Variants in ATRAID observed in about 807,000 individuals in gnomAD.
ATRAID encodes the protein all-trans retinoic acid-induced differentiation factor.
Under a neutral mutation model 28.8 loss-of-function variants are expected in ATRAID, and 26 were observed. The observed-to-expected ratio is 0.90, with a 90% CI of 0.66 to 1.25. ATRAID has a LOEUF of 1.25. Ranked by LOEUF, ATRAID falls within the 50% of genes most tolerant of loss-of-function variation. The pLI, the probability that ATRAID is intolerant of heterozygous loss-of-function variation, is 0.00. For synonymous variants in ATRAID, 131 were observed against 108.5 expected, an observed-to-expected ratio of 1.21 and a Z score of -1.29; for missense variants, 308 against 285.9, an observed-to-expected ratio of 1.08 and a Z score of -0.56.
intron 6 of ATRAID, 90 bp downstream of exon 6, chr2:27,216,710 C>T: frequency 6.9e-7 from 1 of 1,448,212 alleles, no homozygotes; most frequent in Admixed American, 1.7e-5. Context: ...GGAGCTGATA[C>T]AAATTTCCTA....
In ATRAID at chr2:27,216,887, C is replaced by T; in HGVS notation, c.629C>T (p.Thr210Ile). The T allele has an allele frequency of 3.1e-6, 5 of 1,614,196 alleles. No individual in the cohort carries two copies. Among genetic ancestry groups the T allele is most frequent in the East Asian group, 2.2e-5 (1 of 44,882 alleles). ...LLMFFGILGATTLSVSILLWA... is the reference protein window; with the variant it reads ...LLMFFGILGAITLSVSILLWA... ...ATGTTCTTCGGGATTCTGGGAGCCA[C>T]CACTCTATCCGTCTCCATTCTGCTT... Residue 210 changes from threonine (T) to isoleucine (I), a missense_variant, in exon 7 of 7, where the codon ACC (threonine) becomes ATC (isoleucine). Physicochemically the swap from Thr to Ile is moderately conservative, Grantham distance 89. Coordinates refer to ENST00000380171, the MANE Select transcript of ATRAID (RefSeq NM_001170795.4).
Position 27,215,685 on chromosome 2 carries a change from T to C in ATRAID, c.419T>C (p.Ile140Thr), listed in dbSNP as rs1369943937. ...GGAGGAATTAATGCCTGGAATACTATCACCTCTTATATAGACAACCAAATC... is the reference window on the plus strand; with the variant it reads ...GGAGGAATTAATGCCTGGAATACTACCACCTCTTATATAGACAACCAAATC... ...CPGGINAWNT[I>T]TSYIDNQICQ... The change falls in exon 5 of 7, where the codon ATC becomes ACC. Residue 140 changes from isoleucine to threonine, a missense_variant. Transcript: ENST00000380171. 3 of 1,614,238 alleles carry C rather than the reference T, an allele frequency of 1.9e-6. No homozygotes were observed. The highest frequency in any genetic ancestry group is 3.3e-5 in the Admixed American group (2 of 60,030).
At position 27,215,652 on chromosome 2, in the gene ATRAID, A is replaced by G. The variant is rs2148046278; in HGVS notation, c.386A>G (p.Asn129Ser). Residue 129 changes from asparagine to serine, a missense_variant, in exon 5 of 7, where the codon AAC (asparagine) becomes AGC (serine). Transcript: ENST00000380171. ...TATAGGATACTGCCACAACATGTCA[A>G]CTGTCCTGGAGGAATTAATGCCTGG... The part of the protein sequence containing the change: ...LQTLILPQHV[N>S]CPGGINAWNT... The G allele has an allele frequency of 3.1e-6, 5 of 1,614,226 alleles. No homozygotes were observed. The highest frequency in any genetic ancestry group is 1.6e-4 in the Middle Eastern group (1 of 6,062).
Position 27,212,303 on chromosome 2 carries a change from G to T in ATRAID, c.-66G>T, listed in dbSNP as rs1304237700. ...AGGCCACGCCCGGGGAAGAGGGCCTGACGCGCTGCGGGGCGGGGCCGCGGG... is the reference window on the plus strand; with the variant it reads ...AGGCCACGCCCGGGGAAGAGGGCCTTACGCGCTGCGGGGCGGGGCCGCGGG... On this transcript the variant is annotated 5_prime_UTR_variant, in exon 1 of 7. Transcript: ENST00000380171. 2 of 1,550,448 alleles carry T rather than the reference G, an allele frequency of 1.3e-6. No homozygotes were observed. The highest frequency in any genetic ancestry group is 2.7e-5 in the African/African-American group (2 of 73,396).
chr2:27,217,168 T>C, downstream of ATRAID: 1 of 532,252 alleles, frequency 1.9e-6, no homozygotes, highest in Non-Finnish European at 3.3e-6. Flanking sequence ...TTTTCCTCTC[T>C]TTCTTTTTAA....
Position 27,212,195 on chromosome 2 carries a change from C to T in ATRAID, c.-174C>T, listed in dbSNP as rs1259161343. ...GTCGGCCAGTATCCCCGAAAGAGGG[C>T]TAGGGCGCATGAAGACCAGCGCAGA... On this transcript the variant is annotated 5_prime_UTR_variant, in exon 1 of 7. Transcript: ENST00000380171. 6.4e-7 allele frequency: 1 copy of T among 1,551,532 alleles called. No individual in the cohort carries two copies. Among genetic ancestry groups the T allele is most frequent in the Non-Finnish European group, 8.7e-7 (1 of 1,148,176 alleles).
chr2:27,213,095 AC>A (rs1674668040), intron 1 of ATRAID, 81 bp from the exon 2 acceptor site: 1 of 1,544,990 alleles, frequency 6.5e-7, no homozygotes, highest in African/African-American at 1.4e-5. Context: ...GGAAACGTGT[AC>A]TGGCAGTTAA....
intron 5 of ATRAID, 21 bp downstream of exon 5, chr2:27,215,774 ACTT>A: frequency 6.2e-7 from 1 of 1,609,606 alleles, no homozygotes; most frequent in Non-Finnish European, 8.5e-7. Flanking sequence ...TTACCTCCAA[ACTT>A]CTGGGAATTG....
At chr2:27,216,713 A>G in intron 6 of ATRAID, 93 bp downstream of exon 6, 1 of 1,447,264 alleles carries the variant, frequency 6.9e-7, no homozygotes, top group African/African-American at 1.4e-5. Flanking sequence ...GCTGATACAA[A>G]TTTCCTATAG....
Position 27,217,120 on chromosome 2 carries a change from T to C in ATRAID, c.*172T>C. On this transcript the variant is annotated 3_prime_UTR_variant, in exon 7 of 7. Coordinates refer to ENST00000380171, the MANE Select transcript of ATRAID (RefSeq NM_001170795.4). ...TGGTGTAGACAAATACCAGTTCCCA[T>C]TGGTGTTGTTGCCTATAATAAACAC... The C allele has an allele frequency of 1.8e-6, 1 of 568,302 alleles. No homozygotes were observed. Among genetic ancestry groups the C allele is most frequent in the Non-Finnish European group, 3.1e-6 (1 of 327,030 alleles). 35.2% of individuals were successfully genotyped at this position (568,302 alleles called of 1,614,324 possible). A position where few individuals can be genotyped will look rare whatever the true frequency, so the allele number is the denominator to read the frequency against.
chr2:27,212,385 C>A lies in ATRAID; in HGVS notation c.17C>A (p.Pro6Gln), dbSNP rs755297948. The A allele has an allele frequency of 5.2e-6, 8 of 1,550,566 alleles. No individual in the cohort carries two copies. Among genetic ancestry groups the A allele is most frequent in the African/African-American group, 1.4e-5 (1 of 72,976 alleles). The change falls in exon 1 of 7, where the codon CCG (proline) becomes CAG (glutamine). Residue 6 changes from proline to glutamine, a missense_variant. Physicochemically the swap from Pro to Gln is moderately conservative, Grantham distance 76 (BLOSUM62 -1). Coordinates refer to ENST00000380171, the MANE Select transcript of ATRAID (RefSeq NM_001170795.4). MAPHD[P>Q]GSLTTLVPWA... ...GAACGGAAAATGGCGCCTCACGACC[C>A]GGGTAGTCTTACGACCCTGGTGCCC...
rs956415081 is a variant in ATRAID at position 27,212,049 on chromosome 2, G to A, written c.-320G>A. The A allele has an allele frequency of 5.4e-5, 55 of 1,025,990 alleles. No homozygotes were observed. The African/African-American group carries it at 9.0e-4, about 17-fold the overall frequency. 63.6% of individuals were successfully genotyped at this position (1,025,990 alleles called of 1,614,324 possible). On this transcript the variant is annotated 5_prime_UTR_variant, in exon 1 of 7. Coordinates refer to ENST00000380171, the MANE Select transcript of ATRAID (RefSeq NM_001170795.4). Reference sequence around the variant, plus strand: ...GGCGGATGGAGGGGCCCGAGTTTCTGCGAAGCCGCGACCTCGGCGTCCGGA... The same window carrying A: ...GGCGGATGGAGGGGCCCGAGTTTCTACGAAGCCGCGACCTCGGCGTCCGGA...
At position 27,216,841 on chromosome 2, in the gene ATRAID, C is replaced by T. The variant is rs750502031; in HGVS notation, c.586-3C>T. 1.9e-5 allele frequency: 31 copies of T among 1,613,034 alleles called. No individual in the cohort carries two copies. Among genetic ancestry groups the T allele is most frequent in the Non-Finnish European group, 2.6e-5 (31 of 1,179,174 alleles). On this transcript the variant is annotated splice_polypyrimidine_tract_variant and splice_region_variant and intron_variant, in intron 6 of 6. Transcript: ENST00000380171. ...GGGGTGTTTTTTGGTCTGTTGTTCA[C>T]AGGGCTCGTTCTCACTGCTTATGTT... is the stretch of plus-strand genomic sequence containing the variant.
At chr2:27,213,907 C>A (rs180968794) in intron 2 of ATRAID, among the ~76,000 whole-genome samples, 1 of 152,282 alleles carries the variant, frequency 6.6e-6, no homozygotes, top group East Asian at 1.9e-4. Flanking sequence ...TGAATATTTA[C>A]TACTACTAAG....
chr2:27,215,961 C>T (rs754896261), intron 5 of ATRAID, among the ~76,000 whole-genome samples: 3 of 152,222 alleles, frequency 2.0e-5, no homozygotes, highest in Non-Finnish European at 2.9e-5. Context: ...TTTGTGTGAG[C>T]AACAAGGCTG....
chr2:27,212,315 GGCGGGGCC>G lies in ATRAID; in HGVS notation c.-44_-37del, dbSNP rs1027955698. The G allele has an allele frequency of 1.4e-5, 21 of 1,549,600 alleles. No homozygotes were observed. Among genetic ancestry groups the G allele is most frequent in the Middle Eastern group, 3.4e-4 (2 of 5,820 alleles). On this transcript the variant is annotated 5_prime_UTR_variant, in exon 1 of 7. Coordinates refer to ENST00000380171, the MANE Select transcript of ATRAID (RefSeq NM_001170795.4). Reference sequence around the variant, plus strand: ...GGGAAGAGGGCCTGACGCGCTGCGGGGCGGGGCCGCGGGGCCGGGTCGCGCGAGCAGCG... The same window carrying G: ...GGGAAGAGGGCCTGACGCGCTGCGGGGCGGGGCCGGGTCGCGCGAGCAGCG...
At chr2:27,216,293 TC>T (rs987221486) in intron 5 of ATRAID, 9 of 519,560 alleles carry the variant, frequency 1.7e-5, no homozygotes, top group Non-Finnish European at 3.1e-5. Flanking sequence ...CTTTTGTGGA[TC>T]TTCAGTTGCT....
chr2:27,213,128 T>C, intron 1 of ATRAID, 49 bp from the exon 2 acceptor site: 1 of 1,594,418 alleles, frequency 6.3e-7, no homozygotes, highest in African/African-American at 1.3e-5. Flanking sequence ...CGTTTGTTCT[T>C]TTCTTGGCTT....
rs928548142 is a variant in ATRAID, at chr2:27,212,711, C to G, written c.99+244C>G. 5 of 1,240,390 alleles carry G rather than the reference C, an allele frequency of 4.0e-6. No homozygotes were observed. The African/African-American group carries it at 7.9e-5, about 20-fold the overall frequency. 76.8% of individuals were successfully genotyped at this position (1,240,390 alleles called of 1,614,324 possible). On this transcript the variant is annotated intron_variant, in intron 1 of 6. Coordinates refer to ENST00000380171, the MANE Select transcript of ATRAID (RefSeq NM_001170795.4). ...ATTTCGCCCCTTAATTTTAGAATAA[C>G]TTTAAGTTCTTTCTACAGACGGGTC...
Sources: gnomAD v4.1 joint callset for allele counts (sites outside exome capture counted in the v4.1 genomes callset) on GRCh38, gnomAD v4.1.1 for gene constraint, MANE v1.5 for transcripts, NCBI Gene and HGNC (gene_info 2026-07-23, HGNC 2026-07-21) for gene names.